The following CFP variants were observed in gnomAD, a reference collection of about 807,000 sequenced individuals.
The protein encoded by CFP is properdin.
Under a neutral mutation model 42.1 loss-of-function variants are expected in CFP, and 14 were observed. The ratio of observed to expected loss-of-function variants is 0.33; its 90% CI spans 0.22 to 0.52. CFP has a LOEUF of 0.52. Ranked by LOEUF, CFP falls within the 20% of genes least tolerant of loss-of-function variation. The pLI, the probability that CFP is intolerant of heterozygous loss-of-function variation, is 0.96. For missense variants in CFP, 318 were observed against 400.4 expected, an observed-to-expected ratio of 0.79 and a Z score of 1.76; for synonymous variants, 149 against 160.6, an observed-to-expected ratio of 0.93 and a Z score of 0.54.
chrX:47,624,617 C>A (rs1031639857), intron 8 of CFP, 177 bp from the exon 9 acceptor site: 41 of 399,525 alleles, frequency 1.0e-4, no homozygotes, highest in Non-Finnish European at 1.3e-4. Context: ...TGCAGTGGCA[C>A]AATCATAGCT....
intron 2 of CFP, 38 bp downstream of exon 2, chrX:47,629,486 T>TGC: frequency 6.8e-4 from 457 of 669,040 alleles, no homozygotes; most frequent in Non-Finnish European, 9.6e-4. Context: ...AGACAGTCCT[T>TGC]CCCTCCCCCC....
chrX:47,626,024 C>T, intron 8 of CFP, 34 bp downstream of exon 8: 1 of 1,087,834 alleles, frequency 9.2e-7, no homozygotes, highest in East Asian at 3.3e-5. Flanking sequence ...AATATAATGA[C>T]CCCCTCCCAG....
chrX:47,628,668 C>G (rs1297763074), intron 2 of CFP: 1 of 314,450 alleles, frequency 3.2e-6, no homozygotes, highest in African/African-American at 2.7e-5. Flanking sequence ...TCAGAGGCCT[C>G]CTCAGAAATA....
chrX:47,624,667 G>C, intron 8 of CFP: 1 of 327,119 alleles, frequency 3.1e-6, no homozygotes, highest in Non-Finnish European at 5.2e-6. Flanking sequence ...TGATGCTCCT[G>C]CCTCAGCCTC....
Position 47,624,107 on chromosome X carries a change from C to G in CFP, c.*168G>C. On this transcript the variant is annotated 3_prime_UTR_variant, in exon 9 of 9. Coordinates refer to ENST00000396992, the MANE Select transcript of CFP (RefSeq NM_001145252.3). Reference sequence around the variant, plus strand: ...AAATACTGTTTTCCGCAACAGGCTGCTGTGTCTTGGCCCGTGCTGTGCTGT... The same window carrying G: ...AAATACTGTTTTCCGCAACAGGCTGGTGTGTCTTGGCCCGTGCTGTGCTGT... The G allele has an allele frequency of 1.9e-6, 1 of 515,163 alleles. No homozygotes were observed. Among genetic ancestry groups the G allele is most frequent in the South Asian group, 2.9e-5 (1 of 34,982 alleles). 42.5% of individuals were successfully genotyped at this position (515,163 alleles called of 1,213,427 possible). A position where few individuals can be genotyped will look rare whatever the true frequency, so the allele number is the denominator to read the frequency against.
Position 47,625,998 on chromosome X carries a change from C to T in CFP, c.1244+60G>A. On this transcript the variant is annotated intron_variant, in intron 8 of 8. Transcript: ENST00000396992. ...GGAAACCCTGGTTTCCTGGGGTAGC[C>T]GACTCTCCCGCCTGTAATATAATGA... is the stretch of plus-strand genomic sequence containing the variant. 12 of 1,000,024 alleles carry T rather than the reference C, an allele frequency of 1.2e-5. No individual in the cohort carries two copies. In the South Asian group the frequency reaches 2.2e-4, roughly 19 times the overall value. The allele number at this position is 1,000,024 out of a possible 1,213,427, so 82.4% of individuals were successfully genotyped here. A position where few individuals can be genotyped will look rare whatever the true frequency, so the allele number is the denominator to read the frequency against.
rs1325258357 is a variant in CFP, at chrX:47,626,865, G to A, written c.848C>T (p.Thr283Met). Residue 283 changes from threonine to methionine, a missense_variant, in exon 6 of 9, where the codon ACG becomes ATG. Coordinates refer to ENST00000396992, the MANE Select transcript of CFP (RefSeq NM_001145252.3). Reference protein sequence around the residue: ...CGLGQTMEQRTCNHPVPQHGG... With the variant: ...CGLGQTMEQRMCNHPVPQHGG... Reference sequence around the variant, plus strand: ...ATGCTGGGGCACAGGGTGATTGCACGTCCGTTGTTCCATGGTCTGGCCCAG... The same window carrying A: ...ATGCTGGGGCACAGGGTGATTGCACATCCGTTGTTCCATGGTCTGGCCCAG... 7 of 1,206,807 alleles carry A rather than the reference G, an allele frequency of 5.8e-6. No homozygotes were observed. The highest frequency in any genetic ancestry group is 1.8e-5 in the South Asian group (1 of 56,053).
intron 2 of CFP, chrX:47,628,750 G>A (rs2057979338): frequency 4.0e-6 from 1 of 246,938 alleles, no homozygotes; most frequent in African/African-American, 2.9e-5. Flanking sequence ...GTGATGAACT[G>A]TTGACATGAC....
intron 6 of CFP, 102 bp from the exon 7 acceptor site, chrX:47,626,621 T>C: frequency 1.9e-6 from 2 of 1,038,551 alleles, no homozygotes; most frequent in Non-Finnish European, 2.7e-6. Context: ...GGTGATCAGA[T>C]GTGTGAATGG....
chrX:47,624,248 G>A lies in CFP; in HGVS notation c.*27C>T. 8.3e-7 allele frequency: 1 copy of A among 1,206,879 alleles called. No homozygotes were observed. The highest frequency in any genetic ancestry group is 1.7e-5 in the African/African-American group (1 of 57,663). On this transcript the variant is annotated 3_prime_UTR_variant, in exon 9 of 9. Transcript: ENST00000396992. ...TAGTTTATTGAGGTTTGGAAGGTCA[G>A]GGGGCTCAGAGTGGAGGAGAGAAGT...
intron 6 of CFP, 120 bp downstream of exon 6, chrX:47,626,653 G>A: frequency 9.6e-7 from 1 of 1,041,645 alleles, no homozygotes; most frequent in Non-Finnish European, 1.3e-6. Context: ...TGGAAACAAG[G>A]TATCAGGGCC....
intron 8 of CFP, 68 bp downstream of exon 8, chrX:47,625,990 G>A (rs2057966384): frequency 5.4e-6 from 5 of 928,746 alleles, no homozygotes; most frequent in Admixed American, 2.6e-5. Flanking sequence ...CTGGTTTCCT[G>A]GGGTAGCCGA....
chrX:47,627,673 A>T, intron 3 of CFP, 32 bp from the exon 4 acceptor site: 1 of 1,156,013 alleles, frequency 8.7e-7, no homozygotes, highest in South Asian at 2.0e-5. Context: ...AATGGGATGG[A>T]GGTGGGGTGT....
intron 5 of CFP, 31 bp from the exon 6 acceptor site, chrX:47,626,977 A>C (rs762448844): frequency 8.6e-7 from 1 of 1,158,982 alleles, no homozygotes; most frequent in Non-Finnish European, 1.2e-6. Context: ...GTGAGGAGAA[A>C]GGCCTCCTCA....
intron 2 of CFP, chrX:47,629,012 C>G (rs2057980248): frequency 6.8e-6 from 1 of 146,917 alleles, no homozygotes; most frequent in Non-Finnish European, 1.3e-5. Flanking sequence ...GGGCCTAGAG[C>G]TGCCCTTTGA....
At chrX:47,629,742 G>A in intron 1 of CFP, 27 bp downstream of exon 1, 1 of 1,166,995 alleles carries the variant, frequency 8.6e-7, no homozygotes, top group Non-Finnish European at 1.1e-6. Context: ...GACACCCCTG[G>A]GGCCAGCTGG....
Position 47,629,647 on chromosome X carries a change from T to C in CFP, c.104A>G (p.Gln35Arg), listed in dbSNP as rs145814387. Residue 35 changes from glutamine to arginine, a missense_variant, in exon 2 of 9, where the codon CAG becomes CGG. By Grantham distance (43) the Gln-to-Arg change is conservative. Transcript: ENST00000396992. Reference sequence around the variant, plus strand: ...GCACTTGCCGGAGGATTCTTCATACTGGGTGAAGCAGAGCACGGGGTCTGA... The same window carrying C: ...GCACTTGCCGGAGGATTCTTCATACCGGGTGAAGCAGAGCACGGGGTCTGA... ...TGSDPVLCFT[Q>R]YEESSGKCKG... 74 of 1,039,953 alleles carry C rather than the reference T, an allele frequency of 7.1e-5. No individual in the cohort carries two copies. Among genetic ancestry groups the C allele is most frequent in the Non-Finnish European group, 9.2e-5 (73 of 794,786 alleles). The allele number at this position is 1,039,953 out of a possible 1,213,427, so 85.7% of individuals were successfully genotyped here. A position where few individuals can be genotyped will look rare whatever the true frequency, so the allele number is the denominator to read the frequency against.
At chrX:47,629,486 T>TTCCC in intron 2 of CFP, 38 bp downstream of exon 2, 1 of 669,645 alleles carries the variant, frequency 1.5e-6, no homozygotes, top group Non-Finnish European at 2.3e-6. Context: ...AGACAGTCCT[T>TTCCC]CCCTCCCCCC....
rs1212876478 is a variant in CFP at position 47,624,172 on chromosome X, G to A, written c.*103C>T. ...GCTATCACCCTACTTTTGGGGAAGG[G>A]GATAGGTTGTTTTTCCTCCTTTAAG... On this transcript the variant is annotated 3_prime_UTR_variant, in exon 9 of 9. Transcript: ENST00000396992. 5.5e-6 allele frequency: 5 copies of A among 915,315 alleles called. No homozygotes were observed. The highest frequency in any genetic ancestry group is 8.0e-6 in the Non-Finnish European group (5 of 628,424). The allele number at this position is 915,315 out of a possible 1,213,427, so 75.4% of individuals were successfully genotyped here. A position where few individuals can be genotyped will look rare whatever the true frequency, so the allele number is the denominator to read the frequency against.
Sources: gnomAD v4.1 joint callset for allele counts on GRCh38, gnomAD v4.1.1 for gene constraint, MANE v1.5 for transcripts, NCBI Gene and HGNC (gene_info 2026-07-23, HGNC 2026-07-21) for gene names.